Variants in ZNF385D observed in about 807,000 individuals in gnomAD.
The protein encoded by ZNF385D is zinc finger protein 385D, also known as zinc finger protein 659.
A neutral mutation model predicts 35.8 loss-of-function variants in ZNF385D; 15 were observed. The ratio of observed to expected loss-of-function variants is 0.42; its 90% CI spans 0.28 to 0.64. The LOEUF (loss-of-function observed/expected upper bound fraction) is 0.64. Among genes scored for constraint, ZNF385D ranks in the 30% least tolerant of loss-of-function variants. The pLI is 0.23. For synonymous variants in ZNF385D, 212 were observed against 186.8 expected, an observed-to-expected ratio of 1.13 and a Z score of -1.10; for missense variants, 474 against 494.6, an observed-to-expected ratio of 0.96 and a Z score of 0.39.
At chr3:21,764,115 T>C (rs1417888228) in intron 3 of ZNF385D, among the ~76,000 whole-genome samples, 1 of 152,118 alleles carries the variant, frequency 6.6e-6, no homozygotes, top group Non-Finnish European at 1.5e-5. Flanking sequence ...ACGTCTAATA[T>C]AAAGAACGCG....
At chr3:22,270,380 G>A (rs1195852913) in intron 2 of ZNF385D, among the ~76,000 whole-genome samples, 1 of 151,928 alleles carries the variant, frequency 6.6e-6, no homozygotes, top group Non-Finnish European at 1.5e-5. Flanking sequence ...TTTGATAATA[G>A]AGAAGCCTGT....
In ZNF385D at chr3:21,694,845, A is replaced by G. The variant is rs367885232; in HGVS notation, c.23-29817T>C. ...ATTTAACTTCACTGAGTCTAATTAA[A>G]ACAAACAAGCAAAAAGAAGGAGAAT... On this transcript the variant is annotated intron_variant, in intron 1 of 7. Transcript: ENST00000281523. Among the ~76,000 whole-genome samples, 64 of 152,340 alleles carry G rather than the reference A, an allele frequency of 4.2e-4. 1 individual carries two copies. Among genetic ancestry groups the G allele is most frequent in the African/African-American group, 1.5e-3 (61 of 41,580 alleles).
chr3:21,830,967 C>T (rs1694954644), intron 3 of ZNF385D, among the ~76,000 whole-genome samples: 2 of 152,064 alleles, frequency 1.3e-5, no homozygotes, highest in Non-Finnish European at 2.9e-5. Context: ...CTGTTAAAAA[C>T]TAGTATTTGG....
intron 3 of ZNF385D, among the ~76,000 whole-genome samples, chr3:22,150,281 G>A (rs950317588): frequency 4.6e-5 from 7 of 151,872 alleles, no homozygotes; most frequent in African/African-American, 1.5e-4. Context: ...TCAAAGCTAG[G>A]CATTAACTGC....
chr3:22,135,297 A>AACAC (rs112249963), intron 3 of ZNF385D, among the ~76,000 whole-genome samples: 1 of 150,716 alleles, frequency 6.6e-6, no homozygotes, highest in East Asian at 1.9e-4. Context: ...ATATAAGGTC[A>AACAC]ACACACACAC....
chr3:22,043,798 A>T (rs1278792143), intron 3 of ZNF385D, among the ~76,000 whole-genome samples: 1 of 152,096 alleles, frequency 6.6e-6, no homozygotes, highest in Non-Finnish European at 1.5e-5. Flanking sequence ...ACATTAGGCT[A>T]TAAAAATCTG....
intron 3 of ZNF385D, among the ~76,000 whole-genome samples, chr3:21,905,609 T>A (rs185398219): frequency 2.6e-5 from 4 of 151,900 alleles, no homozygotes; most frequent in Non-Finnish European, 5.9e-5. Context: ...TATATAAAAT[T>A]TGGACATAAG....
Position 22,188,750 on chromosome 3 carries a change from G to A in ZNF385D, c.107-19715C>T, listed in dbSNP as rs558497959. ...CAGGCATGAGCCACCGCGCCCAGCC[G>A]TGTGCATACTTTTTAAAATATTTTC... On this transcript the variant is annotated intron_variant, in intron 2 of 5. Transcript: ENST00000494108. Among the ~76,000 whole-genome samples, 26 of 152,174 alleles carry A rather than the reference G, an allele frequency of 1.7e-4. 1 individual carries two copies. Among genetic ancestry groups the A allele is most frequent in the African/African-American group, 5.5e-4 (23 of 41,532 alleles).
At chr3:21,515,815 A>C (rs188998247) in intron 3 of ZNF385D, among the ~76,000 whole-genome samples, 1 of 152,218 alleles carries the variant, frequency 6.6e-6, no homozygotes, top group African/African-American at 2.4e-5. Context: ...AGGATTATGG[A>C]AGGGACCCTA....
chr3:21,627,959 TA>T (rs1305652680), intron 2 of ZNF385D, among the ~76,000 whole-genome samples: 7 of 152,162 alleles, frequency 4.6e-5, no homozygotes, highest in Admixed American at 4.6e-4. Flanking sequence ...AGCAGACTAA[TA>T]AAAAATGTCA....
At chr3:22,160,509 T>C (rs1259604605) in intron 3 of ZNF385D, among the ~76,000 whole-genome samples, 1 of 152,018 alleles carries the variant, frequency 6.6e-6, no homozygotes, top group Non-Finnish European at 1.5e-5. Flanking sequence ...GAGAAGAAAA[T>C]CTTGTAAATT....
chr3:21,887,089 A>G (rs185109693), intron 3 of ZNF385D, among the ~76,000 whole-genome samples: 1 of 152,246 alleles, frequency 6.6e-6, no homozygotes, highest in Admixed American at 6.5e-5. Context: ...GCTTCCCACT[A>G]GGAGATAAAA....
At chr3:22,195,325 T>G (rs900784186) in intron 2 of ZNF385D, among the ~76,000 whole-genome samples, 1 of 151,988 alleles carries the variant, frequency 6.6e-6, no homozygotes, top group Non-Finnish European at 1.5e-5. Context: ...AAGTATTTGT[T>G]CAAGTCTGTT....
chr3:21,665,666 A>T (rs1198178050), intron 1 of ZNF385D, among the ~76,000 whole-genome samples: 3 of 152,176 alleles, frequency 2.0e-5, no homozygotes. Flanking sequence ...AGTCATGAGT[A>T]GGTGGAATTT....
intron 1 of ZNF385D, among the ~76,000 whole-genome samples, chr3:21,744,728 G>C (rs1378475982): frequency 1.3e-5 from 2 of 151,896 alleles, no homozygotes; most frequent in East Asian, 3.9e-4. Flanking sequence ...GTTAACACCG[G>C]CTTTACACTG....
intron 2 of ZNF385D, among the ~76,000 whole-genome samples, chr3:22,178,482 C>T (rs1266312417): frequency 3.9e-5 from 6 of 152,078 alleles, no homozygotes. Context: ...TGGATATTAG[C>T]CCTTTGTCAG....
At chr3:22,266,832 C>T (rs537967019) in intron 2 of ZNF385D, among the ~76,000 whole-genome samples, 1 of 151,858 alleles carries the variant, frequency 6.6e-6, no homozygotes, top group Non-Finnish European at 1.5e-5. Context: ...TGCACAGATA[C>T]CGAAGCAAAG....
At chr3:22,280,092 G>A (rs1336780262) in intron 2 of ZNF385D, among the ~76,000 whole-genome samples, 3 of 151,948 alleles carry the variant, frequency 2.0e-5, no homozygotes, top group Non-Finnish European at 4.4e-5. Context: ...TTTGTGAATT[G>A]TCTATTCATG....
intron 3 of ZNF385D, among the ~76,000 whole-genome samples, chr3:22,042,550 T>C (rs1698730142): frequency 2.0e-5 from 3 of 152,148 alleles, no homozygotes. Flanking sequence ...CAACAAGCTA[T>C]TTCCAAGAGC....
Sources: gnomAD v4.1 joint callset for allele counts (sites outside exome capture counted in the v4.1 genomes callset) on GRCh38, gnomAD v4.1.1 for gene constraint, MANE v1.5 for transcripts, NCBI Gene and HGNC (gene_info 2026-07-23, HGNC 2026-07-21) for gene names.